The following MECR variants were observed in gnomAD, a reference collection of about 807,000 sequenced individuals.
MECR encodes enoyl-[acyl-carrier-protein] reductase, mitochondrial.
A neutral mutation model predicts 49.1 loss-of-function variants in MECR; 37 were observed. The ratio of observed to expected loss-of-function variants is 0.75; its 90% CI spans 0.58 to 0.99. MECR has a LOEUF of 0.99. Among genes scored for constraint, MECR ranks in the 50% least tolerant of loss-of-function variants. The pLI is 0.00. For synonymous variants in MECR, 198 were observed against 191.1 expected (o/e 1.04, Z -0.30); for missense variants, 470 against 479.6 (o/e 0.98, Z 0.19).
At chr1:29,204,143 C>T (rs764213064) in intron 4 of MECR, among the ~76,000 whole-genome samples, 3 of 152,110 alleles carry the variant, frequency 2.0e-5, no homozygotes, top group Non-Finnish European at 4.4e-5. Context: ...CGCTTGAACC[C>T]GGGAGGTGGA....
chr1:29,182,146 C>T, the MECR span, among the ~76,000 whole-genome samples: 3 of 152,218 alleles, frequency 2.0e-5, no homozygotes, highest in South Asian at 6.2e-4. Context: ...CGGAAGTGTC[C>T]GCACCTCCTA....
intron 7 of MECR, among the ~76,000 whole-genome samples, chr1:29,199,440 G>C (rs1218124211): frequency 6.6e-6 from 1 of 151,676 alleles, no homozygotes. Flanking sequence ...TGTTAGCCAG[G>C]ATGGTCTCGA....
chr1:29,214,869 C>G (rs1038560117), intron 3 of MECR, among the ~76,000 whole-genome samples: 1 of 152,196 alleles, frequency 6.6e-6, no homozygotes, highest in Non-Finnish European at 1.5e-5. Flanking sequence ...CCTCTTGTAG[C>G]TGCTGTGAGG....
At chr1:29,171,722 C>T in the MECR span, 1 of 151,910 alleles carries the variant, frequency 6.6e-6, no homozygotes, top group African/African-American at 2.4e-5. Flanking sequence ...GTTCTGGGTA[C>T]CTGGAAGCAT....
the MECR span, chr1:29,171,986 C>T: frequency 6.6e-6 from 1 of 152,094 alleles, no homozygotes; most frequent in Non-Finnish European, 1.5e-5. Context: ...TGAACCAGGG[C>T]AATTTACGCT....
chr1:29,201,856 G>T lies in MECR; in HGVS notation c.756+87C>A. 1 of 1,147,150 alleles carries T rather than the reference G, an allele frequency of 8.7e-7. No individual in the cohort carries two copies. The highest frequency in any genetic ancestry group is 1.3e-6 in the Non-Finnish European group (1 of 762,804). 71.1% of individuals were successfully genotyped at this position (1,147,150 alleles called of 1,614,324 possible). The stretch of plus-strand genomic sequence containing the variant: ...GAGGTTTCCAGAGAGGAACAATGGG[G>T]CCAGTCCCCAGTTTCTCTAATGCAT... On this transcript the variant is annotated intron_variant, in intron 6 of 9. Transcript: ENST00000263702. The surrounding 1 kb of genome is among the most constrained non-coding windows in gnomAD (Gnocchi z 4.3).
chr1:29,172,824 C>G, the MECR span: 3 of 151,866 alleles, frequency 2.0e-5, no homozygotes, highest in Non-Finnish European at 4.4e-5. Context: ...CACATAATAC[C>G]CATCACAGGG....
chr1:29,218,108 A>C (rs1249628207), intron 1 of MECR, among the ~76,000 whole-genome samples: 1 of 152,210 alleles, frequency 6.6e-6, no homozygotes, highest in Non-Finnish European at 1.5e-5. Flanking sequence ...CCCTCTGCTC[A>C]TGGTGGGTCT....
the MECR span, chr1:29,173,641 GT>G: frequency 6.8e-6 from 1 of 147,498 alleles, no homozygotes; most frequent in African/African-American, 2.5e-5. Flanking sequence ...TACAGACGGG[GT>G]TTCACCATGC....
intron 1 of MECR, among the ~76,000 whole-genome samples, chr1:29,219,124 G>A (rs1016550598): frequency 6.6e-6 from 1 of 152,186 alleles, no homozygotes; most frequent in African/African-American, 2.4e-5. Flanking sequence ...GATGGAGGGA[G>A]CGCTAACAGG....
chr1:29,185,794 A>T, the MECR span, among the ~76,000 whole-genome samples: 1 of 152,214 alleles, frequency 6.6e-6, no homozygotes, highest in Non-Finnish European at 1.5e-5. Flanking sequence ...CCTGGGCAAC[A>T]TGGCAAAAAC....
intron 8 of MECR, 76 bp downstream of exon 8, chr1:29,196,122 T>G (rs1172724608): frequency 6.2e-7 from 1 of 1,601,148 alleles, no homozygotes; most frequent in African/African-American, 1.3e-5. Context: ...CTTAGACAGC[T>G]GTCGTGCCAG....
the MECR span, among the ~76,000 whole-genome samples, chr1:29,186,185 A>C: frequency 6.6e-6 from 1 of 152,176 alleles, no homozygotes; most frequent in Non-Finnish European, 1.5e-5. Context: ...ACCTTCAACC[A>C]CTGCATTCAG....
the MECR span, among the ~76,000 whole-genome samples, chr1:29,176,300 G>A: frequency 6.6e-6 from 1 of 151,904 alleles, no homozygotes; most frequent in African/African-American, 2.4e-5. Flanking sequence ...AGGTGGTAGG[G>A]TTCCTAAAGG....
chr1:29,213,563 G>A (rs1301517352), intron 3 of MECR, among the ~76,000 whole-genome samples: 3 of 152,254 alleles, frequency 2.0e-5, no homozygotes, highest in African/African-American at 7.2e-5. Flanking sequence ...CTGGTTCAGG[G>A]ATGGGCAAGG....
chr1:29,212,150 G>C (rs1322609723), intron 3 of MECR, among the ~76,000 whole-genome samples: 2 of 152,368 alleles, frequency 1.3e-5, no homozygotes, highest in Admixed American at 1.3e-4. Context: ...AGGCGCAGTG[G>C]CTCAATGCCT....
At chr1:29,171,774 C>T in the MECR span, 1 of 152,156 alleles carries the variant, frequency 6.6e-6, no homozygotes, top group African/African-American at 2.4e-5. Context: ...ATTACCGAGT[C>T]TATATCCTGT....
In MECR at chr1:29,230,837, A is replaced by C. The variant is rs1683248605; in HGVS notation, c.70T>G (p.Ser24Ala). The change falls in exon 1 of 10, where the codon TCT (serine) becomes GCT (alanine). Residue 24 changes from serine (S) to alanine (A), a missense_variant. Ser to Ala is a moderately conservative substitution (Grantham distance 99). Coordinates refer to ENST00000263702, the MANE Select transcript of MECR (RefSeq NM_016011.5). ...ARQWRGLLPA[S>A]GCHGPAASSY... ...GAGGCGGCAGGTCCGTGACAGCCAG[A>C]AGCTGGGAGCAGCCCCCGCCACTGC... is the stretch of plus-strand genomic sequence containing the variant. 1.9e-6 allele frequency: 3 copies of C among 1,607,348 alleles called. No individual in the cohort carries two copies. The highest frequency in any genetic ancestry group is 8.5e-7 in the Non-Finnish European group (1 of 1,179,390).
rs1352224235 is a variant in MECR at position 29,193,762 on chromosome 1, G to C, written c.*260C>G. 4.9e-6 allele frequency: 2 copies of C among 410,246 alleles called. No homozygotes were observed. The highest frequency in any genetic ancestry group is 4.1e-5 in the African/African-American group (2 of 48,586). The allele number at this position is 410,246 out of a possible 1,614,324, so 25.4% of individuals were successfully genotyped here. A position where few individuals can be genotyped will look rare whatever the true frequency, so the allele number is the denominator to read the frequency against. ...AAAAGCAGGAAGGGGGCCTCTTGGT[G>C]CTGTGAGCTGACCAGTGCACAGTGT... On this transcript the variant is annotated 3_prime_UTR_variant, in exon 10 of 10. Coordinates refer to ENST00000263702, the MANE Select transcript of MECR (RefSeq NM_016011.5).
Sources: gnomAD v4.1 joint callset for allele counts (sites outside exome capture counted in the v4.1 genomes callset) on GRCh38, gnomAD v4.1.1 for gene constraint, Gnocchi (gnomAD v3.1) non-coding constraint, MANE v1.5 for transcripts, NCBI Gene and HGNC (gene_info 2026-07-23, HGNC 2026-07-21) for gene names.